ALCAM: variants seen among roughly 807,000 people sequenced by gnomAD.
ALCAM encodes CD166 antigen.
A neutral mutation model predicts 70.9 loss-of-function variants in ALCAM; 30 were observed. The ratio of observed to expected loss-of-function variants is 0.42; its 90% CI spans 0.32 to 0.57. The LOEUF (loss-of-function observed/expected upper bound fraction) is 0.57, where lower values mean the gene tolerates loss of function less well. ALCAM is among the 20% of genes least tolerant of loss of function. The pLI, the probability that ALCAM is intolerant of heterozygous loss-of-function variation, is 0.11. For missense variants in ALCAM, 591 were observed against 695.1 expected (o/e 0.85, Z 1.68); for synonymous variants, 249 against 242.5 (o/e 1.03, Z -0.25).
At chr3:105,457,300 T>C (rs1937546271) in intron 1 of ALCAM, among the ~76,000 whole-genome samples, 1 of 152,108 alleles carries the variant, frequency 6.6e-6, no homozygotes, top group African/African-American at 2.4e-5. Flanking sequence ...CAGTCTGTCA[T>C]TGATGAGCAT....
chr3:105,568,243 A>C (rs1226899010), intron 14 of ALCAM, among the ~76,000 whole-genome samples: 2 of 151,460 alleles, frequency 1.3e-5, no homozygotes, highest in African/African-American at 2.4e-5. Flanking sequence ...TTGTATTTTT[A>C]GTAGGGACAA....
chr3:105,508,081 G>A (rs992657695), intron 1 of ALCAM, among the ~76,000 whole-genome samples: 2 of 152,128 alleles, frequency 1.3e-5, no homozygotes, highest in African/African-American at 4.8e-5. Context: ...GACAGGACTT[G>A]TATTTCCTGG....
intron 1 of ALCAM, among the ~76,000 whole-genome samples, chr3:105,380,093 T>C (rs1006700316): frequency 6.6e-6 from 1 of 151,990 alleles, no homozygotes; most frequent in African/African-American, 2.4e-5. Flanking sequence ...AGACAAAATC[T>C]TTTAAAATTA....
chr3:105,563,089 A>C (rs938968280), intron 14 of ALCAM, among the ~76,000 whole-genome samples: 1 of 152,068 alleles, frequency 6.6e-6, no homozygotes, highest in Non-Finnish European at 1.5e-5. Flanking sequence ...TACAGGCATG[A>C]GTCACAGCAC....
intron 1 of ALCAM, among the ~76,000 whole-genome samples, chr3:105,386,857 C>G (rs927005274): frequency 6.6e-6 from 1 of 151,396 alleles, no homozygotes; most frequent in African/African-American, 2.4e-5. Flanking sequence ...CAAGTATATT[C>G]CCCAATGTTT....
chr3:105,469,729 C>A lies in ALCAM; in HGVS notation c.74-50338C>A, dbSNP rs564473489. ...GAACTCTGAAAGCAGAACTCCACTC[C>A]AAACTTTTTAACTGCTGTTATCACC... On this transcript the variant is annotated intron_variant, in intron 1 of 15. Transcript: ENST00000306107. 3.3e-3 allele frequency among the ~76,000 whole-genome samples: 497 copies of A among 151,174 alleles called. 1 individual carries two copies. The highest frequency in any genetic ancestry group is 5.2e-3 in the Non-Finnish European group (348 of 67,340).
At chr3:105,376,352 T>G (rs932154731) in intron 1 of ALCAM, among the ~76,000 whole-genome samples, 1 of 152,198 alleles carries the variant, frequency 6.6e-6, no homozygotes, top group African/African-American at 2.4e-5. Flanking sequence ...TCAGTTTCAT[T>G]TGCGCCTAAA....
At chr3:105,410,716 C>A (rs1029316355) in intron 1 of ALCAM, among the ~76,000 whole-genome samples, 8 of 151,976 alleles carry the variant, frequency 5.3e-5, no homozygotes, top group African/African-American at 1.2e-4. Flanking sequence ...ACTGTGAAAT[C>A]TAATCACATT....
At chr3:105,405,307 C>CAT (rs1422960251) in intron 1 of ALCAM, among the ~76,000 whole-genome samples, 1 of 97,438 alleles carries the variant, frequency 1.0e-5, no homozygotes, top group Non-Finnish European at 2.1e-5. Flanking sequence ...AAAAAAAAGA[C>CAT]AAAGAGGGAC....
chr3:105,567,376 G>A (rs1940766886), intron 14 of ALCAM, among the ~76,000 whole-genome samples: 1 of 151,372 alleles, frequency 6.6e-6, no homozygotes, highest in African/African-American at 2.4e-5. Context: ...ATACATGTAT[G>A]TCAGCATATG....
At chr3:105,484,181 C>T (rs1318314446) in intron 1 of ALCAM, among the ~76,000 whole-genome samples, 6 of 151,308 alleles carry the variant, frequency 4.0e-5, no homozygotes. Flanking sequence ...GAAAATCAGC[C>T]ATGTAAGGAA....
chr3:105,489,249 G>T (rs1183083471), intron 1 of ALCAM, among the ~76,000 whole-genome samples: 3 of 152,110 alleles, frequency 2.0e-5, no homozygotes, highest in Non-Finnish European at 4.4e-5. Context: ...TCAAAATTCG[G>T]ATTCAGTAGG....
chr3:105,402,309 A>G (rs1936109163), intron 1 of ALCAM, among the ~76,000 whole-genome samples: 1 of 152,288 alleles, frequency 6.6e-6, no homozygotes, highest in South Asian at 2.1e-4. Context: ...CAGACAGAGC[A>G]GTGTGTGGAG....
chr3:105,545,401 T>G, intron 9 of ALCAM, 66 bp downstream of exon 9: 1 of 1,102,792 alleles, frequency 9.1e-7, no homozygotes, highest in Non-Finnish European at 1.4e-6. Context: ...CTTATGCACT[T>G]TATATTGTAT....
intron 6 of ALCAM, among the ~76,000 whole-genome samples, chr3:105,539,013 T>G (rs1224230249): frequency 3.3e-5 from 5 of 152,086 alleles, no homozygotes; most frequent in African/African-American, 1.2e-4. Flanking sequence ...CTCATTTCAC[T>G]TGTTAGCTAA....
In ALCAM at chr3:105,524,502, G is replaced by A. The variant is rs781465503; in HGVS notation, c.388G>A (p.Val130Met). ...GTTTGAGGCACCTACAATAGTCAAG[G>A]TGTTCAGTAAGTAGTCTGCAGCAGT... Reference protein sequence around the residue: ...NVFEAPTIVKVFKQPSKPEIV... With the variant: ...NVFEAPTIVKMFKQPSKPEIV... The change falls in exon 3 of 16, where the codon GTG (valine) becomes ATG (methionine). Residue 130 changes from valine (V) to methionine (M), a missense_variant. Transcript: ENST00000306107. 1.9e-6 allele frequency: 3 copies of A among 1,614,074 alleles called. No individual in the cohort carries two copies. The highest frequency in any genetic ancestry group is 2.7e-5 in the African/African-American group (2 of 75,046).
At position 105,383,488 on chromosome 3, in the gene ALCAM, C is replaced by T. The variant is rs1374334350; in HGVS notation, c.73+16007C>T. On this transcript the variant is annotated intron_variant, in intron 1 of 15. Coordinates refer to ENST00000306107, the MANE Select transcript of ALCAM (RefSeq NM_001627.4). ...TACATTTCATAATTATCAATGAAGC[C>T]TATTTTAAACAACAACATATAATGT... 1.3e-5 allele frequency among the ~76,000 whole-genome samples: 2 copies of T among 151,658 alleles called. 1 individual carries two copies. The highest frequency in any genetic ancestry group is 3.0e-5 in the Non-Finnish European group (2 of 67,792).
intron 1 of ALCAM, among the ~76,000 whole-genome samples, chr3:105,416,467 T>TA (rs1031794998): frequency 3.3e-5 from 5 of 151,986 alleles, no homozygotes; most frequent in African/African-American, 9.7e-5. Flanking sequence ...AAATTATATA[T>TA]AAAATCACAC....
chr3:105,406,288 T>G (rs1936227755), intron 1 of ALCAM, among the ~76,000 whole-genome samples: 1 of 152,162 alleles, frequency 6.6e-6, no homozygotes, highest in African/African-American at 2.4e-5. Context: ...GTCTGGGAAG[T>G]TTCTTTAGAC....
Sources: gnomAD v4.1 joint callset for allele counts (sites outside exome capture counted in the v4.1 genomes callset) on GRCh38, gnomAD v4.1.1 for gene constraint, MANE v1.5 for transcripts, NCBI Gene and HGNC (gene_info 2026-07-23, HGNC 2026-07-21) for gene names.